Variants in PIGN observed in about 807,000 individuals in gnomAD.
PIGN encodes the protein GPI ethanolamine phosphate transferase 1.
Under a neutral mutation model 125.4 loss-of-function variants are expected in PIGN, and 117 were observed. The ratio of observed to expected loss-of-function variants is 0.93; its 90% confidence interval spans 0.80 to 1.09. PIGN has a LOEUF of 1.09. Among genes scored for constraint, PIGN ranks in the 50% least tolerant of loss-of-function variants. PIGN has a pLI of 0.00. For missense variants in PIGN, 1,075 were observed against 1,094.9 expected (o/e 0.98, Z 0.26); for synonymous variants, 392 against 377.8 (o/e 1.04, Z -0.44).
At chr18:62,039,692 G>A (rs571706118), downstream of PIGN, among the ~76,000 whole-genome samples, 8 of 101,046 alleles carry the variant, frequency 7.9e-5, 1 homozygote, top group East Asian at 5.5e-4. Flanking sequence ...CCAGGGTGCC[G>A]CACCCCATGT....
chr18:62,161,469 T>C, intron 3 of PIGN, 84 bp from the exon 4 acceptor site: 1 of 613,984 alleles, frequency 1.6e-6, no homozygotes, highest in Non-Finnish European at 2.8e-6. Flanking sequence ...CACAAGTAGA[T>C]GAAACATATA....
chr18:62,182,358 A>G (rs560511879), intron 1 of PIGN, among the ~76,000 whole-genome samples: 1 of 152,200 alleles, frequency 6.6e-6, no homozygotes, highest in Non-Finnish European at 1.5e-5. Flanking sequence ...CAAATTCATA[A>G]CATTTCCCAT....
intron 23 of PIGN, among the ~76,000 whole-genome samples, chr18:62,093,540 T>C (rs1367388193): frequency 7.9e-5 from 12 of 152,068 alleles, no homozygotes; most frequent in Admixed American, 7.9e-4. Context: ...AAAGGAATAA[T>C]GCAAAGAAAA....
intron 30 of PIGN, among the ~76,000 whole-genome samples, chr18:62,067,830 G>C (rs911852469): frequency 6.6e-5 from 10 of 152,100 alleles, no homozygotes; most frequent in Non-Finnish European, 5.9e-5. Context: ...CCTTCTCTTG[G>C]GTACCTAGGC....
intron 3 of PIGN, 123 bp from the exon 4 acceptor site, chr18:62,161,508 T>A (rs1233456431): frequency 8.1e-5 from 44 of 541,720 alleles, no homozygotes; most frequent in Non-Finnish European, 3.3e-6. Flanking sequence ...CTCACAACTT[T>A]ACTTTCATTT....
chr18:62,045,664 C>G lies in PIGN; in HGVS notation c.*192G>C, dbSNP rs570404508. On this transcript the variant is annotated 3_prime_UTR_variant, in exon 31 of 31. Coordinates refer to ENST00000640252, the MANE Select transcript of PIGN (RefSeq NM_176787.5). ...CCACAGATATAATCACTATTTCATG[C>G]CTGCAAAACCTAGAAAAAAAAAGAA... is the stretch of plus-strand genomic sequence containing the variant. 4 of 455,442 alleles carry G rather than the reference C, an allele frequency of 8.8e-6. No individual in the cohort carries two copies. In the East Asian group the frequency reaches 1.1e-4, roughly 12 times the overall value. 28.2% of individuals were successfully genotyped at this position (455,442 alleles called of 1,614,324 possible).
intron 14 of PIGN, among the ~76,000 whole-genome samples, chr18:62,120,917 A>G (rs1382389779): frequency 6.6e-6 from 1 of 152,206 alleles, no homozygotes; most frequent in African/African-American, 2.4e-5. Context: ...ACTGGATAAA[A>G]AAACAAACAA....
chr18:62,147,499 A>G (rs563453457), intron 8 of PIGN, among the ~76,000 whole-genome samples: 1 of 152,166 alleles, frequency 6.6e-6, no homozygotes, highest in African/African-American at 2.4e-5. Flanking sequence ...ATATAATATC[A>G]TGTTTTGAAC....
rs930243907 is a variant in PIGN, at chr18:62,042,929, A to C, written c.*2927T>G. On this transcript the variant is annotated 3_prime_UTR_variant, in exon 31 of 31. Coordinates refer to ENST00000640252, the MANE Select transcript of PIGN (RefSeq NM_176787.5). ...CCTGTCTCAAAACAAAAACGAAAAA[A>C]AAAAAAACAAAAAACCATGCTTATA... 2 of 151,982 alleles carry C rather than the reference A, an allele frequency of 1.3e-5. No individual in the cohort carries two copies. Among genetic ancestry groups the C allele is most frequent in the African/African-American group, 4.8e-5 (2 of 41,356 alleles). 9.4% of individuals were successfully genotyped at this position (151,982 alleles called of 1,614,324 possible). A position where few individuals can be genotyped will look rare whatever the true frequency, so the allele number is the denominator to read the frequency against.
rs2034807385 is a variant in PIGN, at chr18:62,109,894, G to A, written c.1514C>T (p.Pro505Leu). The change falls in exon 17 of 31, where the codon CCC (proline) becomes CTC (leucine). Residue 505 changes from proline to leucine, a missense_variant. This residue lies in a region of PIGN where 915 missense variants were observed against 908.7 expected (regional missense o/e 1.01). Transcript: ENST00000640252. Reference sequence around the variant, plus strand: ...CAAACCATATACATAATATGTCCAGGGACAGGCTTGAATCAGCAGAAAAAA... The same window carrying A: ...CAAACCATATACATAATATGTCCAGAGACAGGCTTGAATCAGCAGAAAAAA... ...VAFFLLIQAC[P>L]WTYYVYGLLP... 1 of 1,613,072 alleles carries A rather than the reference G, an allele frequency of 6.2e-7. No individual in the cohort carries two copies. The highest frequency in any genetic ancestry group is 1.7e-5 in the Admixed American group (1 of 59,978).
chr18:62,182,950 G>A (rs934704443), intron 1 of PIGN, among the ~76,000 whole-genome samples: 13 of 152,270 alleles, frequency 8.5e-5, no homozygotes, highest in East Asian at 1.9e-4. Flanking sequence ...GTTCCACAGC[G>A]GGGGGCAATT....
At chr18:62,141,711 C>A (rs1483619345) in intron 11 of PIGN, among the ~76,000 whole-genome samples, 1 of 152,196 alleles carries the variant, frequency 6.6e-6, no homozygotes, top group East Asian at 1.9e-4. Flanking sequence ...ACACAAAAAA[C>A]CACATCGTGT....
At chr18:62,081,778 T>C (rs1396632369) in intron 28 of PIGN, among the ~76,000 whole-genome samples, 1 of 152,172 alleles carries the variant, frequency 6.6e-6, no homozygotes, top group African/African-American at 2.4e-5. Flanking sequence ...AAGGCATAAA[T>C]ACTTTCAATA....
chr18:62,094,862 T>C (rs2034111036), intron 23 of PIGN, among the ~76,000 whole-genome samples: 1 of 152,098 alleles, frequency 6.6e-6, no homozygotes, highest in Non-Finnish European at 1.5e-5. Flanking sequence ...AAAAAAGGTT[T>C]AGGGCCCCAC....
rs1306689682 is a variant in PIGN, at chr18:62,045,494, G to A, written c.*362C>T. 1 of 165,914 alleles carries A rather than the reference G, an allele frequency of 6.0e-6. No homozygotes were observed. The highest frequency in any genetic ancestry group is 1.7e-4 in the East Asian group (1 of 5,960). 10.3% of individuals were successfully genotyped at this position (165,914 alleles called of 1,614,324 possible). A position where few individuals can be genotyped will look rare whatever the true frequency, so the allele number is the denominator to read the frequency against. ...AATGACTCTGGATGCCATCAGCACT[G>A]CCCCCACAGGCATATGCTCTCCTCT... On this transcript the variant is annotated 3_prime_UTR_variant, in exon 31 of 31. Transcript: ENST00000640252.
chr18:62,072,013 C>A (rs1437633072), intron 30 of PIGN, among the ~76,000 whole-genome samples: 2 of 148,056 alleles, frequency 1.4e-5, no homozygotes, highest in Non-Finnish European at 3.0e-5. Context: ...CTGTGAACAC[C>A]TTCCAGTGGG....
chr18:62,077,414 C>A (rs1317799881), intron 28 of PIGN, among the ~76,000 whole-genome samples: 1 of 152,030 alleles, frequency 6.6e-6, no homozygotes, highest in African/African-American at 2.4e-5. Flanking sequence ...TTTAAAAAAC[C>A]TTTACATACC....
chr18:62,067,716 A>G (rs1388581659), intron 30 of PIGN, among the ~76,000 whole-genome samples: 1 of 152,218 alleles, frequency 6.6e-6, no homozygotes, highest in Non-Finnish European at 1.5e-5. Context: ...TTGTTTACCC[A>G]TTCATGTGCT....
At chr18:62,150,970 G>C (rs1482082852) in intron 7 of PIGN, among the ~76,000 whole-genome samples, 1 of 152,160 alleles carries the variant, frequency 6.6e-6, no homozygotes, top group Non-Finnish European at 1.5e-5. Context: ...AAAGTGCTGG[G>C]ATTACAGGTG....
Sources: allele counts gnomAD v4.1 joint callset (sites outside exome capture counted in the v4.1 genomes callset), GRCh38; gene constraint gnomAD v4.1.1; regional missense constraint gnomAD v4.1.1; transcripts MANE v1.5; gene names NCBI Gene and HGNC (gene_info 2026-07-23, HGNC 2026-07-21).